The following LTBP4 variants were observed in gnomAD, a reference collection of about 807,000 sequenced individuals.
The protein encoded by LTBP4 is latent transforming growth factor beta binding protein 4, also known as latent-transforming growth factor beta-binding protein 4.
LTBP4 carries 93 observed loss-of-function variants against 180.2 expected under a neutral mutation model. The ratio of observed to expected loss-of-function variants is 0.52; its 90% CI spans 0.44 to 0.61. The LOEUF is 0.61. Among genes scored for constraint, LTBP4 ranks in the 20% least tolerant of loss-of-function variants. The pLI, the probability that LTBP4 is intolerant of heterozygous loss-of-function variation, is 0.00. For synonymous variants in LTBP4, 947 were observed against 934.5 expected, an observed-to-expected ratio of 1.01 and a Z score of -0.24; for missense variants, 2,116 against 2,256.5, an observed-to-expected ratio of 0.94 and a Z score of 1.26.
upstream of LTBP4, among the ~76,000 whole-genome samples, chr19:40,597,756 A>G (rs938837583): frequency 1.3e-5 from 2 of 151,734 alleles, no homozygotes; most frequent in Non-Finnish European, 2.9e-5. Flanking sequence ...TAAGGAGGAA[A>G]GGTGTTGGGG....
At chr19:40,617,355 A>G in intron 21 of LTBP4, 130 bp downstream of exon 21, 1 of 1,280,534 alleles carries the variant, frequency 7.8e-7, no homozygotes, top group Non-Finnish European at 1.1e-6. Flanking sequence ...ATATAAGATC[A>G]TCTTCATGCC....
In LTBP4 at chr19:40,611,269, A is replaced by T; in HGVS notation, c.1928A>T (p.Asp643Val). The change falls in exon 13 of 30, where the codon GAT (aspartate) becomes GTT (valine). Residue 643 changes from aspartate to valine, a missense_variant. Asp to Val is a radical substitution (Grantham distance 152). Coordinates refer to ENST00000396819, the MANE Select transcript of LTBP4 (RefSeq NM_001042545.2). The surrounding 1 kb of genome is among the most constrained non-coding windows in gnomAD (Gnocchi z 4.4). ...TTCCGGGGCTCGGCGTGTGAAGAGG[A>T]TGTGGATGAGTGTGCCCAGGAGCCG... ...AGFRGSACEEDVDECAQEPPP... is the reference protein window; with the variant it reads ...AGFRGSACEEVVDECAQEPPP... The T allele has an allele frequency of 6.2e-7, 1 of 1,612,310 alleles. No homozygotes were observed. The highest frequency in any genetic ancestry group is 1.7e-5 in the Admixed American group (1 of 59,750).
At chr19:40,608,419 G>A (rs1164307343) in intron 8 of LTBP4, 50 bp downstream of exon 8, 1 of 1,601,888 alleles carries the variant, frequency 6.2e-7, no homozygotes, top group East Asian at 2.3e-5. Flanking sequence ...GGCTGCCCCA[G>A]CCCCATAGTG....
chr19:40,603,771 G>A (rs897454875), intron 1 of LTBP4, among the ~76,000 whole-genome samples: 1 of 152,172 alleles, frequency 6.6e-6, no homozygotes, highest in Non-Finnish European at 1.5e-5. Context: ...GCTGTTCTCT[G>A]CAGCCCCGGG....
Position 40,611,845 on chromosome 19 carries a change from C to T in LTBP4, c.2054-14C>T. On this transcript the variant is annotated splice_polypyrimidine_tract_variant and intron_variant, in intron 13 of 29. Transcript: ENST00000396819. This position sits in a 1 kb window ranked among gnomAD's most constrained non-coding sequence, Gnocchi z 4.4. ...AGGCCCCTTCCTCAGCCTCATTGGT[C>T]CCCTCTGCCCCAGATGTGGATGAGT... 1 of 1,603,076 alleles carries T rather than the reference C, an allele frequency of 6.2e-7. No individual in the cohort carries two copies. Among genetic ancestry groups the T allele is most frequent in the Non-Finnish European group, 8.5e-7 (1 of 1,174,248 alleles).
intron 19 of LTBP4, among the ~76,000 whole-genome samples, chr19:40,616,101 C>T (rs919449391): frequency 2.6e-5 from 4 of 152,006 alleles, no homozygotes; most frequent in Admixed American, 6.6e-5. Context: ...TGAGGCAGGA[C>T]CATGCTTTTG....
intron 18 of LTBP4, 51 bp downstream of exon 18, chr19:40,614,089 C>A (rs991455196): frequency 1.4e-5 from 22 of 1,600,590 alleles, no homozygotes; most frequent in Middle Eastern, 1.7e-4. Flanking sequence ...CTCCCCGACT[C>A]GCCGATTGGC....
At position 40,609,484 on chromosome 19, in the gene LTBP4, C is replaced by T. The variant is rs895289428; in HGVS notation, c.1427-46C>T. The stretch of plus-strand genomic sequence containing the variant: ...GGGGGTTTTACTGGGATGAAAGGAA[C>T]GGAGGATTCAGAGATGGGGGAACCC... On this transcript the variant is annotated intron_variant, in intron 9 of 29. Coordinates refer to ENST00000396819, the MANE Select transcript of LTBP4 (RefSeq NM_001042545.2). The surrounding 1 kb of genome is among the most constrained non-coding windows in gnomAD (Gnocchi z 4.9). The T allele has an allele frequency of 2.5e-6, 4 of 1,599,394 alleles. No homozygotes were observed. The highest frequency in any genetic ancestry group is 2.7e-5 in the African/African-American group (2 of 74,528).
intron 27 of LTBP4, 88 bp downstream of exon 27, chr19:40,626,097 A>G (rs754338489): frequency 3.8e-5 from 54 of 1,426,298 alleles, no homozygotes; most frequent in Non-Finnish European, 4.6e-5. Flanking sequence ...CAGAACCCCC[A>G]GACTCTATCC....
chr19:40,606,096 A>G (rs1162466449), intron 4 of LTBP4, 137 bp from the exon 5 acceptor site: 1 of 881,924 alleles, frequency 1.1e-6, no homozygotes. Flanking sequence ...TGCCATTTCA[A>G]CTGCCAACCT....
intron 22 of LTBP4, among the ~76,000 whole-genome samples, chr19:40,621,598 G>C (rs1345891318): frequency 6.6e-6 from 1 of 152,232 alleles, no homozygotes; most frequent in South Asian, 2.1e-4. Context: ...GAACAGGCTG[G>C]GGCAGGGGCC....
Position 40,611,050 on chromosome 19 carries a change from A to G in LTBP4, c.1811-102A>G. 1 of 1,481,564 alleles carries G rather than the reference A, an allele frequency of 6.7e-7. No homozygotes were observed. Among genetic ancestry groups the G allele is most frequent in the Non-Finnish European group, 9.3e-7 (1 of 1,077,860 alleles). 91.8% of individuals were successfully genotyped at this position (1,481,564 alleles called of 1,614,324 possible). A position where few individuals can be genotyped will look rare whatever the true frequency, so the allele number is the denominator to read the frequency against. On this transcript the variant is annotated intron_variant, in intron 12 of 29. Transcript: ENST00000396819. This position sits in a 1 kb window ranked among gnomAD's most constrained non-coding sequence, Gnocchi z 4.4. ...ATGATGGTGACAAGGAGGAATAGAG[A>G]TGGGGTCACGGGGACAGAATGTTGG...
intron 29 of LTBP4, among the ~76,000 whole-genome samples, chr19:40,628,621 T>C (rs1322608644): frequency 6.6e-6 from 1 of 152,160 alleles, no homozygotes; most frequent in Non-Finnish European, 1.5e-5. Flanking sequence ...TTTTCTGATA[T>C]GAAAAATGGC....
At chr19:40,617,298 T>C in intron 21 of LTBP4, 73 bp downstream of exon 21, 1 of 1,520,370 alleles carries the variant, frequency 6.6e-7, no homozygotes, top group Non-Finnish European at 8.9e-7. Flanking sequence ...CCTCCCCATA[T>C]ATCTGAACAA....
At position 40,609,553 on chromosome 19, in the gene LTBP4, C is replaced by A. The variant is rs372512908; in HGVS notation, c.1450C>A (p.Arg484Ser). The part of the protein sequence containing the change: ...ESGPSSGMCQ[R>S]NPQVCGPGRC... Reference sequence around the variant, plus strand: ...AGGTCCCTCCTCCGGCATGTGTCAGCGCAACCCCCAGGTCTGCGGCCCAGG... The same window carrying A: ...AGGTCCCTCCTCCGGCATGTGTCAGAGCAACCCCCAGGTCTGCGGCCCAGG... The change falls in exon 10 of 30, where the codon CGC becomes AGC. Residue 484 changes from arginine to serine, a missense_variant. Physicochemically the swap from Arg to Ser is moderately radical, Grantham distance 110. This residue lies in a region of LTBP4 where 877 missense variants were observed against 873.6 expected (regional missense o/e 1.00). Transcript: ENST00000396819. This position sits in a 1 kb window ranked among gnomAD's most constrained non-coding sequence, Gnocchi z 4.9. 4.3e-6 allele frequency: 7 copies of A among 1,613,314 alleles called. No individual in the cohort carries two copies. The South Asian group carries it at 6.6e-5, about 15-fold the overall frequency.
At chr19:40,614,649 C>T (rs1316962037) in intron 19 of LTBP4, among the ~76,000 whole-genome samples, 2 of 152,192 alleles carry the variant, frequency 1.3e-5, no homozygotes, top group Non-Finnish European at 2.9e-5. Flanking sequence ...GCCTCCCTTC[C>T]AGCCGCAGTC....
chr19:40,596,644 C>A (rs1475017514), upstream of LTBP4, among the ~76,000 whole-genome samples: 1 of 152,070 alleles, frequency 6.6e-6, no homozygotes, highest in African/African-American at 2.4e-5. Flanking sequence ...GAGATCAATT[C>A]TTTGAGAAGA....
At position 40,609,066 on chromosome 19, in the gene LTBP4, G is replaced by T; in HGVS notation, c.1426+463G>T. On this transcript the variant is annotated intron_variant, in intron 9 of 29. Coordinates refer to ENST00000396819, the MANE Select transcript of LTBP4 (RefSeq NM_001042545.2). The surrounding 1 kb of genome is among the most constrained non-coding windows in gnomAD (Gnocchi z 4.9). ...TGGGTGGTAGTTAGATCAGGAGCTG[G>T]AGTCACAGTTGGGCTCTTCTGTGTC... The T allele has an allele frequency of 5.3e-6, 1 of 186,970 alleles. No homozygotes were observed. The highest frequency in any genetic ancestry group is 5.4e-5 in the Admixed American group (1 of 18,406). The allele number at this position is 186,970 out of a possible 1,614,324, so 11.6% of individuals were successfully genotyped here.
chr19:40,597,766 G>A (rs1462987239), upstream of LTBP4, among the ~76,000 whole-genome samples: 4 of 152,086 alleles, frequency 2.6e-5, no homozygotes, highest in East Asian at 7.8e-4. Flanking sequence ...AGGTGTTGGG[G>A]GATTCTGGAG....
Sources: gnomAD v4.1 joint callset for allele counts (sites outside exome capture counted in the v4.1 genomes callset) on GRCh38, gnomAD v4.1.1 for gene constraint, gnomAD v4.1.1 regional missense constraint, Gnocchi (gnomAD v3.1) non-coding constraint, MANE v1.5 for transcripts, NCBI Gene and HGNC (gene_info 2026-07-23, HGNC 2026-07-21) for gene names.